CRYBG1: variants seen among roughly 807,000 people sequenced by gnomAD.
The protein encoded by CRYBG1 is crystallin beta-gamma domain containing 1.
A neutral mutation model predicts 189.2 loss-of-function variants in CRYBG1; 139 were observed. The observed-to-expected ratio is 0.73, with a 90% CI of 0.64 to 0.85. CRYBG1 has a LOEUF of 0.85. Among genes scored for constraint, CRYBG1 ranks in the 40% least tolerant of loss-of-function variants. CRYBG1 has a pLI of 0.00. For missense variants in CRYBG1, 2,611 were observed against 2,675.8 expected (o/e 0.98, Z 0.53); for synonymous variants, 1,023 against 1,017.1 (o/e 1.01, Z -0.11).
intron 2 of CRYBG1, among the ~76,000 whole-genome samples, chr6:106,476,968 A>C (rs1293271348): frequency 1.3e-5 from 2 of 152,206 alleles, no homozygotes; most frequent in Non-Finnish European, 2.9e-5. Context: ...CATTGTGAGG[A>C]TACATGTGTT....
chr6:106,549,812 A>G (rs1272090568), intron 13 of CRYBG1, among the ~76,000 whole-genome samples: 4 of 152,150 alleles, frequency 2.6e-5, no homozygotes, highest in East Asian at 3.9e-4. Flanking sequence ...ATGGCTGTTC[A>G]TATTCTAGTA....
intron 3 of CRYBG1, among the ~76,000 whole-genome samples, chr6:106,517,692 G>A (rs535104162): frequency 9.2e-5 from 14 of 151,932 alleles, no homozygotes; most frequent in African/African-American, 3.1e-4. Flanking sequence ...TCAACCATAA[G>A]TTGGGGGAAA....
At chr6:106,550,606 T>C (rs1259796712) in intron 13 of CRYBG1, among the ~76,000 whole-genome samples, 1 of 152,120 alleles carries the variant, frequency 6.6e-6, no homozygotes, top group South Asian at 2.1e-4. Context: ...ATTTTGTTTA[T>C]TTAATTTTTA....
intron 3 of CRYBG1, 47 bp downstream of exon 3, chr6:106,513,086 C>G (rs762184585): frequency 6.4e-7 from 1 of 1,561,476 alleles, no homozygotes; most frequent in Non-Finnish European, 8.6e-7. Context: ...CGCACACGTG[C>G]TGGGGGTCCG....
At chr6:106,555,684 A>C in intron 16 of CRYBG1, 84 bp from the exon 17 acceptor site, 1 of 1,482,706 alleles carries the variant, frequency 6.7e-7, no homozygotes, top group Non-Finnish European at 9.2e-7. Flanking sequence ...ATTTTATAGC[A>C]GGCCACCTCT....
chr6:106,529,341 C>T (rs1336514468), intron 7 of CRYBG1, among the ~76,000 whole-genome samples: 1 of 152,160 alleles, frequency 6.6e-6, no homozygotes, highest in Non-Finnish European at 1.5e-5. Context: ...CCCAGTGTGT[C>T]ATGGATTATA....
intron 1 of CRYBG1, among the ~76,000 whole-genome samples, chr6:106,364,227 T>G (rs1415628181): frequency 6.6e-6 from 1 of 152,028 alleles, no homozygotes; most frequent in African/African-American, 2.4e-5. Context: ...CTCAGGAGGC[T>G]GAGACAGGAG....
intron 2 of CRYBG1, among the ~76,000 whole-genome samples, chr6:106,479,982 G>A (rs1772409624): frequency 6.6e-6 from 1 of 151,822 alleles, no homozygotes; most frequent in South Asian, 2.1e-4. Context: ...AGAAGCCATT[G>A]TTAAATTCAA....
At chr6:106,516,479 C>A (rs1229152073) in intron 3 of CRYBG1, among the ~76,000 whole-genome samples, 1 of 152,150 alleles carries the variant, frequency 6.6e-6, no homozygotes. Context: ...AGTGATCCAC[C>A]CGCTTTGGCC....
chr6:106,376,544 C>G (rs1301908057), intron 1 of CRYBG1, among the ~76,000 whole-genome samples: 1 of 152,168 alleles, frequency 6.6e-6, no homozygotes, highest in Non-Finnish European at 1.5e-5. Context: ...GGTTTTGTTA[C>G]TTCGCAGAAG....
At chr6:106,470,078 G>A (rs9486359) in intron 2 of CRYBG1, among the ~76,000 whole-genome samples, 221 of 152,258 alleles carry the variant, frequency 1.5e-3, no homozygotes, top group African/African-American at 5.0e-3. Flanking sequence ...TTTGGTCCCC[G>A]AGGTGTAGGT....
chr6:106,386,312 G>C (rs1770388486), intron 1 of CRYBG1, among the ~76,000 whole-genome samples: 1 of 152,134 alleles, frequency 6.6e-6, no homozygotes, highest in Non-Finnish European at 1.5e-5. Context: ...GCTAAGGTTG[G>C]CTTGTGAGCT....
chr6:106,362,378 A>G (rs1206561633), intron 1 of CRYBG1, among the ~76,000 whole-genome samples: 1 of 152,204 alleles, frequency 6.6e-6, no homozygotes, highest in Non-Finnish European at 1.5e-5. Context: ...ACAATGAGAG[A>G]CAGGAATAAT....
chr6:106,544,525 T>C (rs1214850336), intron 11 of CRYBG1, 46 bp from the exon 12 acceptor site: 3 of 1,597,042 alleles, frequency 1.9e-6, no homozygotes, highest in Non-Finnish European at 2.6e-6. Context: ...TGAAAAAATG[T>C]TAACATGTCT....
intron 1 of CRYBG1, among the ~76,000 whole-genome samples, chr6:106,391,549 T>G (rs1365662205): frequency 6.6e-6 from 1 of 150,474 alleles, no homozygotes; most frequent in Non-Finnish European, 1.5e-5. Context: ...TTTGCCCATT[T>G]TAGAAACCAG....
chr6:106,394,387 A>G (rs1173821452), intron 1 of CRYBG1, among the ~76,000 whole-genome samples: 2 of 152,180 alleles, frequency 1.3e-5, no homozygotes, highest in African/African-American at 4.8e-5. Flanking sequence ...TTTCTGCGTC[A>G]TGTTCATTTC....
intron 2 of CRYBG1, among the ~76,000 whole-genome samples, chr6:106,503,568 G>A (rs1773056302): frequency 6.6e-6 from 1 of 152,108 alleles, no homozygotes; most frequent in Admixed American, 6.5e-5. Context: ...AAAATAATTC[G>A]ATTCTACAGG....
At chr6:106,518,883 C>T (rs1773503341) in intron 3 of CRYBG1, among the ~76,000 whole-genome samples, 1 of 151,966 alleles carries the variant, frequency 6.6e-6, no homozygotes, top group Admixed American at 6.6e-5. Context: ...TGCCTGAGCC[C>T]AGGAGTTCGA....
At chr6:106,397,061 C>A (rs1770627619) in intron 1 of CRYBG1, among the ~76,000 whole-genome samples, 1 of 152,214 alleles carries the variant, frequency 6.6e-6, no homozygotes, top group African/African-American at 2.4e-5. Flanking sequence ...TACATGAAGT[C>A]ATAATATTAA....
Sources: allele counts gnomAD v4.1 joint callset (sites outside exome capture counted in the v4.1 genomes callset), GRCh38; gene constraint gnomAD v4.1.1; transcripts MANE v1.5; gene names NCBI Gene and HGNC (gene_info 2026-07-23, HGNC 2026-07-21).